The following BAZ2B variants were observed in gnomAD, a reference collection of about 807,000 sequenced individuals.
BAZ2B encodes the protein bromodomain adjacent to zinc finger domain protein 2B.
Under a neutral mutation model 246.0 loss-of-function variants are expected in BAZ2B, and 91 were observed. That is an observed-to-expected ratio of 0.37 (90% CI 0.31 to 0.44). BAZ2B has a LOEUF of 0.44. Ranked by LOEUF, BAZ2B falls within the 20% of genes least tolerant of loss-of-function variation. The pLI is 1.00. For missense variants in BAZ2B, 2,332 were observed against 2,533.7 expected, an observed-to-expected ratio of 0.92 and a Z score of 1.71; for synonymous variants, 855 against 860.0, an observed-to-expected ratio of 0.99 and a Z score of 0.10.
the BAZ2B span, among the ~76,000 whole-genome samples, chr2:159,631,527 C>T: frequency 6.6e-6 from 1 of 152,230 alleles, no homozygotes; most frequent in South Asian, 2.1e-4. Flanking sequence ...AATACCCTGT[C>T]ACACCAGTAA....
At chr2:159,427,908 G>A in intron 13 of BAZ2B, 33 bp downstream of exon 13, 1 of 1,556,242 alleles carries the variant, frequency 6.4e-7, no homozygotes, top group South Asian at 1.1e-5. Flanking sequence ...CTACTTTTTG[G>A]TTCAAAGACT....
intron 1 of BAZ2B, among the ~76,000 whole-genome samples, chr2:159,597,248 T>A (rs1690940678): frequency 6.6e-6 from 1 of 152,224 alleles, no homozygotes; most frequent in African/African-American, 2.4e-5. Flanking sequence ...GATTGTTTTT[T>A]TCTTGCAAAT....
rs529789595 is a variant in BAZ2B at position 159,483,971 on chromosome 2, T to C, written c.-2-5250A>G. Among the ~76,000 whole-genome samples, 8 of 152,272 alleles carry C rather than the reference T, an allele frequency of 5.3e-5. No individual in the cohort carries two copies. In the South Asian group the frequency reaches 1.0e-3, roughly 20 times the overall value. ...GGACTACAAATGATTTGATACATTA[T>C]AGATGTTTCCTGTAGCCTAAAGCAG... On this transcript the variant is annotated intron_variant, in intron 2 of 36. Transcript: ENST00000392783.
At chr2:159,537,830 A>G (rs186363863) in intron 2 of BAZ2B, among the ~76,000 whole-genome samples, 6 of 152,058 alleles carry the variant, frequency 3.9e-5, no homozygotes, top group African/African-American at 1.4e-4. Flanking sequence ...TATATAATTA[A>G]TGGGGCTTCA....
intron 25 of BAZ2B, among the ~76,000 whole-genome samples, chr2:159,379,837 T>C (rs2061798232): frequency 6.6e-6 from 1 of 152,198 alleles, no homozygotes; most frequent in Non-Finnish European, 1.5e-5. Context: ...CTAGACTTCC[T>C]TAGCTAAGAG....
the BAZ2B span, among the ~76,000 whole-genome samples, chr2:159,681,526 C>T: frequency 2.0e-5 from 3 of 151,632 alleles, no homozygotes; most frequent in East Asian, 5.8e-4. Flanking sequence ...CTTAACAGAT[C>T]TGATAAATGC....
chr2:159,658,102 T>C, the BAZ2B span, among the ~76,000 whole-genome samples: 1 of 152,232 alleles, frequency 6.6e-6, no homozygotes, highest in African/African-American at 2.4e-5. Context: ...GGGAGTTCCC[T>C]TCTATTCTCA....
At chr2:159,450,245 T>C (rs1375521367) in intron 4 of BAZ2B, among the ~76,000 whole-genome samples, 1 of 151,982 alleles carries the variant, frequency 6.6e-6, no homozygotes, top group African/African-American at 2.4e-5. Context: ...TGTGGTGGTA[T>C]AGTTCTGTAA....
At chr2:159,702,183 A>G in the BAZ2B span, among the ~76,000 whole-genome samples, 7 of 152,350 alleles carry the variant, frequency 4.6e-5, no homozygotes, top group East Asian at 3.9e-4. Flanking sequence ...AAAAGCTTCT[A>G]TTCAATGTCT....
intron 14 of BAZ2B, among the ~76,000 whole-genome samples, chr2:159,409,229 T>C (rs1317159674): frequency 1.3e-5 from 2 of 152,194 alleles, no homozygotes; most frequent in Non-Finnish European, 2.9e-5. Flanking sequence ...TTTAAACATT[T>C]TGACATCTCT....
intron 1 of BAZ2B, among the ~76,000 whole-genome samples, chr2:159,563,410 T>A (rs2090069790): frequency 6.6e-6 from 1 of 152,180 alleles, no homozygotes; most frequent in South Asian, 2.1e-4. Context: ...GTTAATTATG[T>A]TTATAACATT....
At chr2:159,414,803 C>T (rs868281081) in intron 13 of BAZ2B, among the ~76,000 whole-genome samples, 2 of 142,670 alleles carry the variant, frequency 1.4e-5, no homozygotes, top group Admixed American at 7.0e-5. Flanking sequence ...GGTGACAGAG[C>T]GAGACTCCAC....
intron 21 of BAZ2B, among the ~76,000 whole-genome samples, chr2:159,387,040 T>A (rs986396207): frequency 6.6e-6 from 1 of 152,172 alleles, no homozygotes; most frequent in African/African-American, 2.4e-5. Flanking sequence ...CTTCTAATGA[T>A]GATGACATTT....
In BAZ2B at chr2:159,377,806, T is replaced by C. The variant is rs1320517402; in HGVS notation, c.4006-3053A>G. 4.3e-4 allele frequency among the ~76,000 whole-genome samples: 28 copies of C among 65,260 alleles called. No homozygotes were observed. In the East Asian group the frequency reaches 0.011, roughly 25 times the overall value. The allele number at this position is 65,260 out of a possible 152,430, so 42.8% of individuals were successfully genotyped here. On this transcript the variant is annotated intron_variant, in intron 25 of 36. Transcript: ENST00000392783. Reference sequence around the variant, plus strand: ...CAGCCTGGGTGACAGAGCGAGACTCTGTCTCCAAAAAAAAAAAAAAAAAAG... The same window carrying C: ...CAGCCTGGGTGACAGAGCGAGACTCCGTCTCCAAAAAAAAAAAAAAAAAAG...
chr2:159,663,873 T>A, the BAZ2B span, among the ~76,000 whole-genome samples: 1 of 140,836 alleles, frequency 7.1e-6, no homozygotes, highest in African/African-American at 2.7e-5. Flanking sequence ...TTTTTTTTTT[T>A]TTTTTTTTTT....
chr2:159,385,110 A>C, intron 23 of BAZ2B, 45 bp downstream of exon 23: 1 of 1,547,462 alleles, frequency 6.5e-7, no homozygotes. Context: ...TGATTAGAAA[A>C]ATTCAAAATG....
chr2:159,327,439 G>C (rs6745607), intron 34 of BAZ2B, among the ~76,000 whole-genome samples: 106,484 of 152,010 alleles, frequency 0.7, 38,091 homozygotes, highest in East Asian at 0.79. Flanking sequence ...TTCACCATAT[G>C]ATATCAAAGA....
chr2:159,429,961 T>C (rs1369910095), intron 10 of BAZ2B, among the ~76,000 whole-genome samples: 2 of 152,130 alleles, frequency 1.3e-5, no homozygotes, highest in Non-Finnish European at 2.9e-5. Flanking sequence ...CTGAGAGTAG[T>C]TGTGGAATAT....
intron 1 of BAZ2B, among the ~76,000 whole-genome samples, chr2:159,583,107 CTT>C (rs1209808887): frequency 9.0e-6 from 1 of 110,640 alleles, no homozygotes; most frequent in Non-Finnish European, 1.9e-5. Flanking sequence ...ATTCTTTTTT[CTT>C]TTCTTTTTTT....
Sources: allele counts gnomAD v4.1 joint callset (sites outside exome capture counted in the v4.1 genomes callset), GRCh38; gene constraint gnomAD v4.1.1; transcripts MANE v1.5; gene names NCBI Gene and HGNC (gene_info 2026-07-23, HGNC 2026-07-21).